The following SCAPER variants were observed in gnomAD, a reference collection of about 807,000 sequenced individuals.
SCAPER encodes the protein S-phase cyclin A associated protein in the ER.
SCAPER carries 98 observed loss-of-function variants against 182.2 expected under a neutral mutation model. That is an observed-to-expected ratio of 0.54 (90% CI 0.46 to 0.64). The LOEUF (loss-of-function observed/expected upper bound fraction) is 0.64, where lower values mean the gene tolerates loss of function less well. Ranked by LOEUF, SCAPER falls within the 30% of genes least tolerant of loss-of-function variation. SCAPER has a pLI of 0.00. For synonymous variants in SCAPER, 605 were observed against 564.6 expected (o/e 1.07, Z -1.01); for missense variants, 1,432 against 1,690.0 (o/e 0.85, Z 2.68).
chr15:76,786,230 G>A (rs898113238), intron 8 of SCAPER, among the ~76,000 whole-genome samples: 1 of 151,090 alleles, frequency 6.6e-6, no homozygotes, highest in Non-Finnish European at 1.5e-5. Context: ...GGGAGGCTGA[G>A]GCAGGAGAAT....
At chr15:76,826,347 G>C (rs1598948476) in intron 5 of SCAPER, among the ~76,000 whole-genome samples, 1 of 145,088 alleles carries the variant, frequency 6.9e-6, no homozygotes, top group African/African-American at 2.6e-5. Flanking sequence ...TCACTCATAG[G>C]TGGGAACTGA....
intron 17 of SCAPER, among the ~76,000 whole-genome samples, chr15:76,715,588 G>A (rs1265238603): frequency 6.6e-6 from 1 of 151,962 alleles, no homozygotes; most frequent in Non-Finnish European, 1.5e-5. Context: ...GTTGCCACTG[G>A]ACCCAGCCTC....
chr15:76,425,619 TAA>T (rs1192000920), intron 26 of SCAPER, among the ~76,000 whole-genome samples: 1 of 152,224 alleles, frequency 6.6e-6, no homozygotes, highest in Admixed American at 6.5e-5. Flanking sequence ...CTCAACTTGT[TAA>T]AGTCATTCTC....
rs75692237 is a variant in SCAPER at position 76,806,751 on chromosome 15, A to G, written c.394-2118T>C. On this transcript the variant is annotated intron_variant, in intron 5 of 31. Coordinates refer to ENST00000563290, the MANE Select transcript of SCAPER (RefSeq NM_020843.4). ...ATTTTTCGTAGTTTCTTTCAATTAT[A>G]TTTTATAGTTTGTGTGTACATCTTA... Among the ~76,000 whole-genome samples, 479 of 152,190 alleles carry G rather than the reference A, an allele frequency of 3.1e-3. 18 individuals carry two copies. In the East Asian group the frequency reaches 0.084, roughly 27 times the overall value.
chr15:76,590,979 T>A (rs2049058997), intron 22 of SCAPER, among the ~76,000 whole-genome samples: 1 of 152,206 alleles, frequency 6.6e-6, no homozygotes. Flanking sequence ...GGGAGCTAAA[T>A]AATGTGTACA....
chr15:76,480,851 C>A (rs1265923976), intron 24 of SCAPER, among the ~76,000 whole-genome samples: 3 of 152,152 alleles, frequency 2.0e-5, no homozygotes, highest in African/African-American at 7.2e-5. Context: ...CTGCCTCAGC[C>A]TCCCTAGTAG....
intron 23 of SCAPER, among the ~76,000 whole-genome samples, chr15:76,557,449 C>T (rs1286337551): frequency 6.6e-6 from 1 of 152,118 alleles, no homozygotes; most frequent in Non-Finnish European, 1.5e-5. Context: ...GGAGGTGGGG[C>T]CTCATAGGAG....
At chr15:76,630,637 A>G (rs1265967150) in intron 21 of SCAPER, among the ~76,000 whole-genome samples, 1 of 152,038 alleles carries the variant, frequency 6.6e-6, no homozygotes, top group African/African-American at 2.4e-5. Flanking sequence ...CTTGAGTTCT[A>G]ATTTGATTGC....
chr15:76,665,785 T>C lies in SCAPER; in HGVS notation c.2513A>G (p.His838Arg). ...GRELSDEEVEHLSLKKYIIDI... is the reference protein window; with the variant it reads ...GRELSDEEVERLSLKKYIIDI... ...AATAATGTACTTCTTCAAGGAAAGA[T>C]GCTCCTGCAAGATAAATAAATAAAA... is the stretch of plus-strand genomic sequence containing the variant. The change falls in exon 21 of 32, where the codon CAT becomes CGT. Residue 838 changes from histidine (H) to arginine (R), a missense_variant. This residue lies in a region of SCAPER where 718 missense variants were observed against 799.7 expected (regional missense o/e 0.90). Coordinates refer to ENST00000563290, the MANE Select transcript of SCAPER (RefSeq NM_020843.4). The C allele has an allele frequency of 6.6e-7, 1 of 1,512,776 alleles. No homozygotes were observed. 93.7% of individuals were successfully genotyped at this position (1,512,776 alleles called of 1,614,324 possible).
rs527644889 is a variant in SCAPER at position 76,407,273 on chromosome 15, T to C, written c.3312-2594A>G. Reference sequence around the variant, plus strand: ...TACAGTATGTTACTGCAGGGAACAATGCAGGCAACTGTAACACAATGGTAA... The same window carrying C: ...TACAGTATGTTACTGCAGGGAACAACGCAGGCAACTGTAACACAATGGTAA... On this transcript the variant is annotated intron_variant, in intron 26 of 31. Coordinates refer to ENST00000563290, the MANE Select transcript of SCAPER (RefSeq NM_020843.4). Among the ~76,000 whole-genome samples the C allele has an allele frequency of 4.6e-5, 7 of 152,332 alleles. No homozygotes were observed. In the East Asian group the frequency reaches 1.2e-3, roughly 25 times the overall value.
intron 17 of SCAPER, among the ~76,000 whole-genome samples, chr15:76,727,892 T>G (rs935525567): frequency 1.1e-4 from 17 of 151,840 alleles, no homozygotes; most frequent in African/African-American, 3.6e-4. Flanking sequence ...AACAAAAATT[T>G]GAATAGGCAC....
intron 26 of SCAPER, among the ~76,000 whole-genome samples, chr15:76,415,988 A>G: frequency 6.6e-6 from 1 of 152,312 alleles, no homozygotes; most frequent in Middle Eastern, 3.4e-3. Context: ...AAATGGCAAT[A>G]ATGACTAAGT....
intron 8 of SCAPER, among the ~76,000 whole-genome samples, chr15:76,778,515 A>G (rs2063883390): frequency 1.3e-5 from 2 of 152,148 alleles, no homozygotes; most frequent in South Asian, 4.1e-4. Context: ...GACAGAAAAC[A>G]TAAATAATAA....
chr15:76,776,618 T>C (rs1029831352), intron 8 of SCAPER, among the ~76,000 whole-genome samples: 18 of 152,104 alleles, frequency 1.2e-4, no homozygotes, highest in African/African-American at 4.3e-4. Flanking sequence ...CCTTTCCTTT[T>C]CCTTATGTCA....
intron 19 of SCAPER, 45 bp downstream of exon 19, chr15:76,702,805 T>C: frequency 6.4e-7 from 1 of 1,561,774 alleles, no homozygotes; most frequent in East Asian, 2.3e-5. Context: ...TTTCATAAAC[T>C]TTAGTAGTAA....
At chr15:76,458,296 AAGAG>A (rs756803915) in intron 25 of SCAPER, among the ~76,000 whole-genome samples, 7 of 152,060 alleles carry the variant, frequency 4.6e-5, no homozygotes, top group African/African-American at 1.2e-4. Context: ...TATAAAGGGA[AAGAG>A]AGAGAGAAAA....
At chr15:76,899,764 C>G (rs1314603460) in intron 1 of SCAPER, among the ~76,000 whole-genome samples, 2 of 150,342 alleles carry the variant, frequency 1.3e-5, no homozygotes, top group African/African-American at 5.0e-5. Context: ...AGGAGCACCT[C>G]TGCCCGGCCG....
At chr15:76,626,068 C>T (rs1260525745) in intron 21 of SCAPER, among the ~76,000 whole-genome samples, 3 of 152,112 alleles carry the variant, frequency 2.0e-5, no homozygotes, top group African/African-American at 7.2e-5. Context: ...GCATTCAAAG[C>T]CATCCTGGGC....
chr15:76,743,876 C>T (rs2061670567), intron 15 of SCAPER, among the ~76,000 whole-genome samples: 1 of 152,110 alleles, frequency 6.6e-6, no homozygotes, highest in African/African-American at 2.4e-5. Flanking sequence ...ATCACATTAC[C>T]CGACTTCCAA....
Sources: gnomAD v4.1 joint callset for allele counts (sites outside exome capture counted in the v4.1 genomes callset) on GRCh38, gnomAD v4.1.1 for gene constraint, gnomAD v4.1.1 regional missense constraint, MANE v1.5 for transcripts, NCBI Gene and HGNC (gene_info 2026-07-23, HGNC 2026-07-21) for gene names.